COL5A1: variants seen among roughly 807,000 people sequenced by gnomAD.
COL5A1 encodes collagen alpha-1(V) chain.
Under a neutral mutation model 263.7 loss-of-function variants are expected in COL5A1, and 16 were observed. That is an observed-to-expected ratio of 0.06 (90% CI 0.04 to 0.09). The LOEUF is 0.09. Among genes scored for constraint, COL5A1 ranks in the 10% least tolerant of loss-of-function variants. COL5A1 has a pLI of 1.00. For missense variants in COL5A1, 2,036 were observed against 2,540.5 expected, an observed-to-expected ratio of 0.80 and a Z score of 4.27; for synonymous variants, 1,012 against 1,004.5, an observed-to-expected ratio of 1.01 and a Z score of -0.14.
chr9:134,775,650 G>A lies in COL5A1; in HGVS notation c.2385+738G>A, dbSNP rs1016842407. Among the ~76,000 whole-genome samples the A allele has an allele frequency of 2.4e-4, 37 of 152,134 alleles. 1 individual carries two copies. Among genetic ancestry groups the A allele is most frequent in the African/African-American group, 8.9e-4 (37 of 41,412 alleles). ...GACAGACATACCCCTAGGCGCACGC[G>A]GACCAGCTCTCCTCTTCCTCTGAGA... On this transcript the variant is annotated intron_variant, in intron 27 of 65. Transcript: ENST00000371817.
chr9:134,764,856 A>G (rs1229511313), intron 20 of COL5A1, among the ~76,000 whole-genome samples: 1 of 152,220 alleles, frequency 6.6e-6, no homozygotes, highest in Middle Eastern at 3.2e-3. Flanking sequence ...ATGTTGCTAT[A>G]ACTAGGTATT....
chr9:134,669,258 TTC>T (rs1451712837), intron 1 of COL5A1, among the ~76,000 whole-genome samples: 3 of 71,648 alleles, frequency 4.2e-5, no homozygotes, highest in Non-Finnish European at 7.5e-5. Context: ...TTCCCTTCCC[TTC>T]CCTTCCCTTC....
intron 11 of COL5A1, among the ~76,000 whole-genome samples, chr9:134,739,013 C>G (rs149760441): frequency 3.9e-4 from 60 of 152,268 alleles, no homozygotes; most frequent in Non-Finnish European, 6.3e-4. Flanking sequence ...AGAGTGGGGC[C>G]CCTCGGGGCC....
Position 134,681,866 on chromosome 9 carries a change from C to T in COL5A1, c.110-9046C>T, listed in dbSNP as rs1194793399. Reference sequence around the variant, plus strand: ...GGCCTGCAGAAACCTCCCCTCTCTTCCTCGCTCTTCCTCTCTTTCTCTCTC... The same window carrying T: ...GGCCTGCAGAAACCTCCCCTCTCTTTCTCGCTCTTCCTCTCTTTCTCTCTC... On this transcript the variant is annotated intron_variant, in intron 1 of 65. Coordinates refer to ENST00000371817, the MANE Select transcript of COL5A1 (RefSeq NM_000093.5). The surrounding 1 kb of genome is among the most constrained non-coding windows in gnomAD (Gnocchi z 4.3). 1.3e-5 allele frequency among the ~76,000 whole-genome samples: 2 copies of T among 152,098 alleles called. No individual in the cohort carries two copies. Among genetic ancestry groups the T allele is most frequent in the South Asian group, 2.1e-4 (1 of 4,824 alleles).
In COL5A1 at chr9:134,755,544, C is replaced by T. The variant is rs1029570773; in HGVS notation, c.1827+1218C>T. 6.6e-6 allele frequency among the ~76,000 whole-genome samples: 1 copy of T among 152,248 alleles called. No individual in the cohort carries two copies. The highest frequency in any genetic ancestry group is 1.5e-5 in the Non-Finnish European group (1 of 68,052). ...GATTCCAAAGTGGTCTGAGCAGCCT[C>T]TTCCATTCTTTGCTAGCATTTCCTG... On this transcript the variant is annotated intron_variant, in intron 16 of 65. Transcript: ENST00000371817. This position sits in a 1 kb window ranked among gnomAD's most constrained non-coding sequence, Gnocchi z 4.1.
intron 19 of COL5A1, among the ~76,000 whole-genome samples, chr9:134,762,446 G>A (rs1156431755): frequency 6.6e-6 from 1 of 152,228 alleles, no homozygotes; most frequent in African/African-American, 2.4e-5. Flanking sequence ...GTAGGGGAGC[G>A]AGTGGCTGTG....
rs1180870342 is a variant in COL5A1 at position 134,811,746 on chromosome 9, AG to A, written c.3690+148del. On this transcript the variant is annotated intron_variant, in intron 46 of 65. Coordinates refer to ENST00000371817, the MANE Select transcript of COL5A1 (RefSeq NM_000093.5). ...CCTGGGCCTCCTCATTCCAACTGGA[AG>A]TGCTGTAGCTTCCCAGAATTCCAGA... 9.2e-5 allele frequency: 65 copies of A among 703,264 alleles called. No individual in the cohort carries two copies. In the East Asian group the frequency reaches 1.7e-3, roughly 19 times the overall value. 43.6% of individuals were successfully genotyped at this position (703,264 alleles called of 1,614,324 possible).
chr9:134,643,819 A>G (rs1456763950), intron 1 of COL5A1, among the ~76,000 whole-genome samples: 1 of 152,136 alleles, frequency 6.6e-6, no homozygotes, highest in Non-Finnish European at 1.5e-5. Context: ...CCAGAAACTC[A>G]GGAGGGAGTC....
At chr9:134,710,684 G>A in intron 4 of COL5A1, among the ~76,000 whole-genome samples, 1 of 146,644 alleles carries the variant, frequency 6.8e-6, no homozygotes, top group East Asian at 2.1e-4. Context: ...GTGCAGTGGT[G>A]GGGAAGGGGC....
rs745633063 is a variant in COL5A1, at chr9:134,738,512, C to G, written c.1428C>G (p.Pro476=). 6.2e-7 allele frequency: 1 copy of G among 1,613,878 alleles called. No individual in the cohort carries two copies. Among genetic ancestry groups the G allele is most frequent in the African/African-American group, 1.3e-5 (1 of 74,904 alleles). The change falls in exon 10 of 66, where the codon CCC becomes CCG. Residue 476 remains proline, a synonymous_variant. Transcript: ENST00000371817. ...LIEGPPGPEG[P]AGLPGPPGTM... Reference sequence around the variant, plus strand: ...AGGGCCCGCCTGGCCCAGAAGGCCCCGCGGTGAGTATCCGGCTTTATCCTG... The same window carrying G: ...AGGGCCCGCCTGGCCCAGAAGGCCCGGCGGTGAGTATCCGGCTTTATCCTG...
chr9:134,760,207 A>ACACACATGCGCACAC (rs1836285456), intron 18 of COL5A1, among the ~76,000 whole-genome samples: 1 of 106,466 alleles, frequency 9.4e-6, no homozygotes, highest in African/African-American at 3.8e-5. Flanking sequence ...CCACACTCAT[A>ACACACATGCGCACAC]CACACATGCA....
chr9:134,812,981 C>T (rs575238188), intron 48 of COL5A1, among the ~76,000 whole-genome samples: 1 of 152,248 alleles, frequency 6.6e-6, no homozygotes, highest in African/African-American at 2.4e-5. Context: ...CCATTTGTGA[C>T]AGCCTTTTGC....
At chr9:134,736,971 C>T (rs1835123651) in intron 9 of COL5A1, among the ~76,000 whole-genome samples, 1 of 152,230 alleles carries the variant, frequency 6.6e-6, no homozygotes, top group South Asian at 2.1e-4. Flanking sequence ...GGGCCTCAGG[C>T]AGCACTGCTC....
At chr9:134,661,736 TA>T (rs1173014375) in intron 1 of COL5A1, among the ~76,000 whole-genome samples, 1 of 152,086 alleles carries the variant, frequency 6.6e-6, no homozygotes. Context: ...CCTTTCAACC[TA>T]AATGTCTTTA....
chr9:134,782,337 C>T (rs1837288198), intron 28 of COL5A1, among the ~76,000 whole-genome samples: 1 of 152,262 alleles, frequency 6.6e-6, no homozygotes, highest in African/African-American at 2.4e-5. Context: ...TGATGGGACG[C>T]CACAGAGTGC....
intron 14 of COL5A1, among the ~76,000 whole-genome samples, chr9:134,753,314 C>G (rs547286364): frequency 1.3e-5 from 2 of 152,180 alleles, no homozygotes; most frequent in African/African-American, 2.4e-5. Context: ...CTGCCAGTGT[C>G]AGGCACAGGG....
chr9:134,729,093 C>T (rs1298432464), intron 6 of COL5A1, among the ~76,000 whole-genome samples: 1 of 152,206 alleles, frequency 6.6e-6, no homozygotes, highest in Non-Finnish European at 1.5e-5. Context: ...GTACGAGGCA[C>T]AGGGCTCTAG....
rs746091599 is a variant in COL5A1 at position 134,732,115 on chromosome 9, G to T, written c.1377G>T (p.Ala459=). The part of the protein sequence containing the change: ...RGEKGQKGEP[A]IIEPGMLIEG... The stretch of plus-strand genomic sequence containing the variant: ...AGAAAGGCCAAAAGGGAGAACCAGC[G>T]ATTATCGAGCCGGTGAGGACATTTT... The change falls in exon 9 of 66, where the codon GCG becomes GCT. Residue 459 remains alanine (A), a synonymous_variant. Transcript: ENST00000371817. The T allele has an allele frequency of 6.2e-7, 1 of 1,614,230 alleles. No individual in the cohort carries two copies. The highest frequency in any genetic ancestry group is 8.5e-7 in the Non-Finnish European group (1 of 1,180,030).
At chr9:134,761,051 ACACT>A (rs1564441542) in intron 18 of COL5A1, among the ~76,000 whole-genome samples, 2 of 146,422 alleles carry the variant, frequency 1.4e-5, no homozygotes, top group East Asian at 2.1e-4. Flanking sequence ...ACACATGCCC[ACACT>A]CACACCCACA....
Sources: gnomAD v4.1 joint callset for allele counts (sites outside exome capture counted in the v4.1 genomes callset) on GRCh38, gnomAD v4.1.1 for gene constraint, Gnocchi (gnomAD v3.1) non-coding constraint, MANE v1.5 for transcripts, NCBI Gene and HGNC (gene_info 2026-07-23, HGNC 2026-07-21) for gene names.